The following DYSF variants were observed in gnomAD, a reference collection of about 807,000 sequenced individuals.
The protein encoded by DYSF is dysferlin, also known as dystrophy-associated fer-1-like 1.
In DYSF, 212 loss-of-function variants were observed where a neutral mutation model predicts 274.9. That is an observed-to-expected ratio of 0.77 (90% confidence interval 0.69 to 0.86). The LOEUF (loss-of-function observed/expected upper bound fraction) is 0.86. Ranked by LOEUF, DYSF falls within the 40% of genes least tolerant of loss-of-function variation. The probability of loss-of-function intolerance (pLI) is 0.00; values close to 1 mark genes in which losing one functional copy is unlikely to be tolerated. For synonymous variants in DYSF, 1,091 were observed against 1,078.7 expected (o/e 1.01, Z -0.22); for missense variants, 2,666 against 2,783.2 (o/e 0.96, Z 0.95).
At chr2:71,591,753 G>A (rs888387626) in intron 32 of DYSF, among the ~76,000 whole-genome samples, 1 of 152,206 alleles carries the variant, frequency 6.6e-6, no homozygotes, top group Non-Finnish European at 1.5e-5. Context: ...GCCATCTGCC[G>A]GCTTCCTTGC....
rs776452710 is a variant in DYSF, at chr2:71,665,197, C to G, written c.5210C>G (p.Pro1737Arg). 6.2e-7 allele frequency: 1 copy of G among 1,613,988 alleles called. No homozygotes were observed. The highest frequency in any genetic ancestry group is 1.1e-5 in the South Asian group (1 of 91,080). ...AACCAGTGGCGGGACCAGCTCCGCC[C>G]CTCCCAGCTCCTCCACCTCTTCTGC... ...GPNQWRDQLRPSQLLHLFCQQ... is the reference protein window; with the variant it reads ...GPNQWRDQLRRSQLLHLFCQQ... The change falls in exon 47 of 56, where the codon CCC becomes CGC. Residue 1737 changes from proline to arginine, a missense_variant. Transcript: ENST00000410020.
At chr2:71,526,411 T>TGGTGGGG in intron 13 of DYSF, 65 bp downstream of exon 13, 2 of 306,928 alleles carry the variant, frequency 6.5e-6, no homozygotes, top group Non-Finnish European at 1.0e-5. Flanking sequence ...CTGGTGGGGG[T>TGGTGGGG]GGGCGATGGC....
intron 4 of DYSF, among the ~76,000 whole-genome samples, chr2:71,509,481 T>C (rs2085856664): frequency 6.6e-6 from 1 of 152,198 alleles, no homozygotes. Flanking sequence ...AGTTTTAATA[T>C]CACTGCTGTT....
chr2:71,556,213 A>G (rs2091328925), intron 22 of DYSF, 142 bp downstream of exon 22: 2 of 710,808 alleles, frequency 2.8e-6, no homozygotes, highest in Non-Finnish European at 5.0e-6. Context: ...GCTGAGTCCA[A>G]AGGTGGTGGA....
At chr2:71,623,305 C>G (rs2094144101) in intron 41 of DYSF, among the ~76,000 whole-genome samples, 1 of 149,200 alleles carries the variant, frequency 6.7e-6, no homozygotes, top group South Asian at 2.2e-4. Flanking sequence ...AGGTATATCT[C>G]CCAATGCTGT....
In DYSF at chr2:71,660,603, G is replaced by T; in HGVS notation, c.4955G>T (p.Ser1652Ile). 6.2e-7 allele frequency: 1 copy of T among 1,614,180 alleles called. No individual in the cohort carries two copies. Among genetic ancestry groups the T allele is most frequent in the Non-Finnish European group, 8.5e-7 (1 of 1,179,996 alleles). The change falls in exon 45 of 56, where the codon AGT (serine) becomes ATT (isoleucine). Residue 1652 changes from serine (S) to isoleucine (I), a missense_variant. Transcript: ENST00000410020. ...ATCTCCATAGGGAAGAAATCAGTGA[G>T]TGACCAGGATAACTACATCCCCTGC... ...IKISIGKKSV[S>I]DQDNYIPCTL...
intron 27 of DYSF, 56 bp from the exon 28 acceptor site, chr2:71,570,173 C>T: frequency 6.6e-7 from 1 of 1,507,296 alleles, no homozygotes; most frequent in Non-Finnish European, 9.2e-7. Context: ...TTTCTGCCTC[C>T]CTGCTCACAT....
intron 4 of DYSF, among the ~76,000 whole-genome samples, chr2:71,508,813 A>C (rs2085771225): frequency 6.6e-6 from 1 of 152,146 alleles, no homozygotes; most frequent in South Asian, 2.1e-4. Flanking sequence ...TTTGTCATCT[A>C]ACCTTTACCC....
intron 41 of DYSF, among the ~76,000 whole-genome samples, chr2:71,642,923 G>A (rs1385432790): frequency 6.6e-6 from 1 of 152,220 alleles, no homozygotes; most frequent in Non-Finnish European, 1.5e-5. Context: ...GCTCCTGGGA[G>A]ATCTTCTAGC....
chr2:71,570,104 C>A, intron 27 of DYSF, 125 bp from the exon 28 acceptor site: 1 of 1,081,076 alleles, frequency 9.3e-7, no homozygotes, highest in Non-Finnish European at 1.4e-6. Flanking sequence ...AGGACACTGA[C>A]TCTGGGGCTC....
In DYSF at chr2:71,622,134, T is replaced by TTTTTTTTTTG. The variant is rs1230668736; in HGVS notation, c.4527+1534_4527+1535insGTTTTTTTTT. ...GTCCATTCAGATGATTTCTTTGTTT[T>TTTTTTTTTTG]TTTTTTTTTTTTGTTACGCCCAGGT... On this transcript the variant is annotated intron_variant, in intron 41 of 55. Transcript: ENST00000410020. Among the ~76,000 whole-genome samples, 291 of 132,254 alleles carry TTTTTTTTTTG rather than the reference T, an allele frequency of 2.2e-3. 4 individuals carry two copies. The highest frequency in any genetic ancestry group is 4.6e-3 in the East Asian group (20 of 4,326). 86.8% of individuals were successfully genotyped at this position (132,254 alleles called of 152,430 possible).
intron 45 of DYSF, 49 bp downstream of exon 45, chr2:71,660,700 A>G: frequency 6.6e-7 from 1 of 1,510,474 alleles, no homozygotes; most frequent in Non-Finnish European, 9.2e-7. Context: ...AGACAGGATA[A>G]CCCACAGTCT....
At chr2:71,632,610 T>C (rs1029259422) in intron 41 of DYSF, among the ~76,000 whole-genome samples, 2 of 152,206 alleles carry the variant, frequency 1.3e-5, no homozygotes, top group African/African-American at 2.4e-5. Flanking sequence ...CCAGGCCCTA[T>C]TGGAATTGTC....
chr2:71,499,753 C>G (rs1028515070), intron 3 of DYSF, among the ~76,000 whole-genome samples: 2 of 151,870 alleles, frequency 1.3e-5, no homozygotes, highest in African/African-American at 4.8e-5. Context: ...GGTCCCCACA[C>G]TTCTCCACCC....
intron 21 of DYSF, among the ~76,000 whole-genome samples, chr2:71,554,937 A>G (rs7566581): frequency 0.54 from 81,387 of 151,882 alleles, 22,243 homozygotes; most frequent in Middle Eastern, 0.62. Flanking sequence ...TGTGGCATGG[A>G]TGGGGACAGC....
chr2:71,686,376 C>A (rs1395239437), intron 55 of DYSF, 78 bp from the exon 56 acceptor site: 2 of 1,581,248 alleles, frequency 1.3e-6, no homozygotes, highest in African/African-American at 2.7e-5. Context: ...CCTCTGAGCC[C>A]CAGGTCTGGG....
At chr2:71,613,004 G>A (rs1182602134) in intron 39 of DYSF, among the ~76,000 whole-genome samples, 198 bp downstream of exon 39, 1 of 152,194 alleles carries the variant, frequency 6.6e-6, no homozygotes, top group Non-Finnish European at 1.5e-5. Context: ...CCAGGAGCAG[G>A]TGACTGATAC....
At chr2:71,637,708 G>A (rs947237495) in intron 41 of DYSF, among the ~76,000 whole-genome samples, 1 of 152,168 alleles carries the variant, frequency 6.6e-6, no homozygotes, top group Admixed American at 6.5e-5. Flanking sequence ...GGTGGCACTG[G>A]CCAGAAGTAC....
intron 23 of DYSF, among the ~76,000 whole-genome samples, chr2:71,563,320 C>T (rs2091892780): frequency 6.6e-6 from 1 of 152,218 alleles, no homozygotes; most frequent in African/African-American, 2.4e-5. Context: ...GACGCATGGG[C>T]ATGCTTCACC....
Sources: allele counts gnomAD v4.1 joint callset (sites outside exome capture counted in the v4.1 genomes callset), GRCh38; gene constraint gnomAD v4.1.1; transcripts MANE v1.5; gene names NCBI Gene and HGNC (gene_info 2026-07-23, HGNC 2026-07-21).